The following ESR1 variants were observed in gnomAD, a reference collection of about 807,000 sequenced individuals.
ESR1 encodes estrogen receptor 1.
A neutral mutation model predicts 52.7 loss-of-function variants in ESR1; 12 were observed. The observed-to-expected ratio is 0.23, with a 90% CI of 0.15 to 0.37. The LOEUF (loss-of-function observed/expected upper bound fraction) is 0.37, where lower values mean the gene tolerates loss of function less well. Among genes scored for constraint, ESR1 ranks in the 10% least tolerant of loss-of-function variants. The pLI, the probability that ESR1 is intolerant of heterozygous loss-of-function variation, is 1.00. For missense variants in ESR1, 584 were observed against 779.7 expected (o/e 0.75, Z 2.99); for synonymous variants, 305 against 316.8 (o/e 0.96, Z 0.39).
chr6:151,944,149 T>TC, intron 3 of ESR1, 24 bp from the exon 4 acceptor site: 3 of 1,600,888 alleles, frequency 1.9e-6, no homozygotes, highest in Non-Finnish European at 2.6e-6. Context: ...ATAAACTAAT[T>TC]TTTTTTTCCA....
At chr6:152,071,268 T>C (rs1411856364) in intron 6 of ESR1, among the ~76,000 whole-genome samples, 1 of 152,188 alleles carries the variant, frequency 6.6e-6, no homozygotes, top group African/African-American at 2.4e-5. Flanking sequence ...GATATAAAAA[T>C]AGTTTTCACT....
chr6:151,861,339 A>G (rs539106460), intron 2 of ESR1, among the ~76,000 whole-genome samples: 28 of 152,356 alleles, frequency 1.8e-4, no homozygotes, highest in Middle Eastern at 3.4e-3. Flanking sequence ...ATGGCACCAA[A>G]TTATTAATCA....
intron 1 of ESR1, among the ~76,000 whole-genome samples, chr6:151,700,135 C>A (rs1779661640): frequency 6.6e-6 from 1 of 151,272 alleles, no homozygotes; most frequent in Non-Finnish European, 1.5e-5. Flanking sequence ...AAAATTTCTT[C>A]AAATCTCTGT....
Position 151,736,375 on chromosome 6 carries a change from G to GTTTTTTTGTTTTTTTTTTTTTT in ESR1, c.-71+34377_-71+34378insGTTTTTTTTTTTTTTTTTTTTT, listed in dbSNP as rs1782666938. ...AAATACTTACTGTATTCCAGGTAGT[G>GTTTTTTTGTTTTTTTTTTTTTT]TTTTTTTTTTTTTTTGAGATGGAGT... is the stretch of plus-strand genomic sequence containing the variant. On this transcript the variant is annotated intron_variant, in intron 2 of 2. Coordinates refer to the ESR1 transcript ENST00000404742. 2.7e-5 allele frequency among the ~76,000 whole-genome samples: 3 copies of GTTTTTTTGTTTTTTTTTTTTTT among 112,742 alleles called. 1 individual carries two copies. Among genetic ancestry groups the GTTTTTTTGTTTTTTTTTTTTTT allele is most frequent in the African/African-American group, 1.1e-4 (3 of 26,146 alleles). 74.0% of individuals were successfully genotyped at this position (112,742 alleles called of 152,430 possible). A position where few individuals can be genotyped will look rare whatever the true frequency, so the allele number is the denominator to read the frequency against.
intron 4 of ESR1, among the ~76,000 whole-genome samples, chr6:151,962,459 C>T (rs560253425): frequency 8.5e-5 from 13 of 152,244 alleles, no homozygotes; most frequent in African/African-American, 1.4e-4. Context: ...ACACATATCC[C>T]GGATGTAGTG....
chr6:151,748,537 C>A (rs1185363481), intron 2 of ESR1, among the ~76,000 whole-genome samples: 1 of 152,110 alleles, frequency 6.6e-6, no homozygotes, highest in Non-Finnish European at 1.5e-5. Flanking sequence ...TAATGCCATG[C>A]GCATCCACAA....
intron 3 of ESR1, among the ~76,000 whole-genome samples, chr6:151,923,436 T>G (rs1026834380): frequency 6.6e-6 from 1 of 152,208 alleles, no homozygotes; most frequent in African/African-American, 2.4e-5. Context: ...CGCTGTAGCA[T>G]AGAATAGTTT....
chr6:151,984,434 C>T (rs528661952), intron 4 of ESR1, among the ~76,000 whole-genome samples: 52 of 152,258 alleles, frequency 3.4e-4, no homozygotes, highest in African/African-American at 1.2e-3. Context: ...CAACAACTAA[C>T]TTGGTAATCA....
chr6:151,932,167 T>G (rs1487440251), intron 3 of ESR1, among the ~76,000 whole-genome samples: 4 of 151,938 alleles, frequency 2.6e-5, no homozygotes, highest in Non-Finnish European at 4.4e-5. Context: ...AGATGGTATC[T>G]CATTGTGGTT....
At chr6:152,035,699 T>C (rs1439221177) in intron 5 of ESR1, among the ~76,000 whole-genome samples, 1 of 152,190 alleles carries the variant, frequency 6.6e-6, no homozygotes, top group African/African-American at 2.4e-5. Context: ...CAGTATGGCA[T>C]TGGCATAGAA....
At chr6:151,677,024 T>C (rs1778275822) in intron 1 of ESR1, among the ~76,000 whole-genome samples, 3 of 152,168 alleles carry the variant, frequency 2.0e-5, no homozygotes, top group Admixed American at 2.0e-4. Context: ...TTTATACATA[T>C]ATATCCATAA....
At chr6:151,766,627 T>C (rs891772973) in intron 2 of ESR1, among the ~76,000 whole-genome samples, 3 of 152,206 alleles carry the variant, frequency 2.0e-5, no homozygotes, top group Non-Finnish European at 4.4e-5. Context: ...TTGAATACTA[T>C]GGCAAGTATA....
Position 151,872,307 on chromosome 6 carries a change from C to CT in ESR1, c.644-8340dup, listed in dbSNP as rs1033980972. Among the ~76,000 whole-genome samples the CT allele has an allele frequency of 7.9e-5, 12 of 152,034 alleles. No homozygotes were observed. In the South Asian group the frequency reaches 1.5e-3, roughly 18 times the overall value. On this transcript the variant is annotated intron_variant, in intron 2 of 7. Coordinates refer to ENST00000206249, the MANE Select transcript of ESR1 (RefSeq NM_000125.4). ...TTGCCACCCCTGTCCCAATTCAGAT[C>CT]TTTTTTTTGATTAATGGTATGAACA...
intron 6 of ESR1, among the ~76,000 whole-genome samples, chr6:152,063,865 A>G (rs1357418070): frequency 3.3e-5 from 5 of 152,138 alleles, no homozygotes; most frequent in Non-Finnish European, 7.4e-5. Context: ...CCAGTCGCCA[A>G]GGTCTGAGGA....
chr6:151,692,271 A>G (rs1779004826), intron 1 of ESR1, among the ~76,000 whole-genome samples: 1 of 152,164 alleles, frequency 6.6e-6, no homozygotes, highest in African/African-American at 2.4e-5. Flanking sequence ...AAACCTCCAC[A>G]CAGTGTAAGT....
intron 1 of ESR1, among the ~76,000 whole-genome samples, chr6:151,660,533 A>C (rs1777603199): frequency 6.6e-6 from 1 of 152,234 alleles, no homozygotes; most frequent in African/African-American, 2.4e-5. Context: ...TTAAGCACAA[A>C]ATACCAAGTC....
intron 5 of ESR1, among the ~76,000 whole-genome samples, chr6:152,052,579 G>C (rs2046772320): frequency 6.6e-6 from 1 of 152,030 alleles, no homozygotes; most frequent in Non-Finnish European, 1.5e-5. Flanking sequence ...GCCCCACAAA[G>C]CCTAAAATAG....
At chr6:151,855,672 G>A (rs1018407181) in intron 2 of ESR1, among the ~76,000 whole-genome samples, 4 of 152,154 alleles carry the variant, frequency 2.6e-5, no homozygotes, top group Non-Finnish European at 5.9e-5. Flanking sequence ...GAAAGGTTGT[G>A]ATAATGCACA....
intron 4 of ESR1, among the ~76,000 whole-genome samples, chr6:151,979,399 A>G (rs1404247721): frequency 1.3e-5 from 2 of 152,172 alleles, no homozygotes; most frequent in African/African-American, 4.8e-5. Context: ...GAGAAAATGG[A>G]CATTAAATAT....
Sources: allele counts gnomAD v4.1 joint callset (sites outside exome capture counted in the v4.1 genomes callset), GRCh38; gene constraint gnomAD v4.1.1; transcripts MANE v1.5; gene names NCBI Gene and HGNC (gene_info 2026-07-23, HGNC 2026-07-21).